MICALL2: variants seen among roughly 807,000 people sequenced by gnomAD.
The protein encoded by MICALL2 is MICAL-like protein 2.
In MICALL2, 111 loss-of-function variants were observed where a neutral mutation model predicts 91.1. The observed-to-expected ratio is 1.22, with a 90% CI of 1.04 to 1.43. The LOEUF (loss-of-function observed/expected upper bound fraction) is 1.43, where lower values mean the gene tolerates loss of function less well. MICALL2 is among the 40% of genes most tolerant of loss of function. The pLI is 0.00. For synonymous variants in MICALL2, 694 were observed against 525.3 expected, an observed-to-expected ratio of 1.32 and a Z score of -4.39; for missense variants, 1,556 against 1,236.0, an observed-to-expected ratio of 1.26 and a Z score of -3.88.
At chr7:1,448,834 C>T (rs576194505) in intron 2 of MICALL2, 73 bp from the exon 3 acceptor site, 19 of 1,568,398 alleles carry the variant, frequency 1.2e-5, no homozygotes, top group East Asian at 9.0e-5. Flanking sequence ...CAGCTCACCT[C>T]GACTCAAAGA....
At chr7:1,442,711 G>T (rs141615834) in intron 6 of MICALL2, among the ~76,000 whole-genome samples, 1 of 150,438 alleles carries the variant, frequency 6.6e-6, no homozygotes, top group Non-Finnish European at 1.5e-5. Flanking sequence ...CCTGCAGCTC[G>T]CTCCCAATGA....
rs1330185436 is a variant in MICALL2, at chr7:1,437,542, G to C, written c.2469C>G (p.Ala823=). The C allele has an allele frequency of 1.3e-6, 2 of 1,527,540 alleles. No individual in the cohort carries two copies. The highest frequency in any genetic ancestry group is 1.7e-6 in the Non-Finnish European group (2 of 1,143,598). The allele number at this position is 1,527,540 out of a possible 1,614,324, so 94.6% of individuals were successfully genotyped here. ...GGCGCGCGGGGGACGCACCGGGCTT[G>C]GCCATGAGCCGGCGCAGCTCGCCCT... ...DIEGELRRLM[A]KPEALKSLQE... The change falls in exon 14 of 17, where the codon GCC becomes GCG. Residue 823 remains alanine (A), a synonymous_variant. Coordinates refer to ENST00000297508, the MANE Select transcript of MICALL2 (RefSeq NM_182924.4).
In MICALL2 at chr7:1,440,627, T is replaced by G; in HGVS notation, c.1769A>C (p.Asn590Thr). 1 of 1,612,748 alleles carries G rather than the reference T, an allele frequency of 6.2e-7. No individual in the cohort carries two copies. The highest frequency in any genetic ancestry group is 8.5e-7 in the Non-Finnish European group (1 of 1,179,940). Reference protein sequence around the residue: ...QEDGPAGWRANLKPVDRRSPA... With the variant: ...QEDGPAGWRATLKPVDRRSPA... Reference sequence around the variant, plus strand: ...GCTTCTCCTGTCCACGGGCTTCAGATTCGCTCTCCATCCTGCCGGCCCGTC... The same window carrying G: ...GCTTCTCCTGTCCACGGGCTTCAGAGTCGCTCTCCATCCTGCCGGCCCGTC... The change falls in exon 8 of 17, where the codon AAT becomes ACT. Residue 590 changes from asparagine (N) to threonine (T), a missense_variant. By Grantham distance (65) the Asn-to-Thr change is moderately conservative. Coordinates refer to ENST00000297508, the MANE Select transcript of MICALL2 (RefSeq NM_182924.4).
intron 1 of MICALL2, among the ~76,000 whole-genome samples, chr7:1,454,113 T>C (rs1780930155): frequency 7.3e-6 from 1 of 137,518 alleles, no homozygotes; most frequent in Non-Finnish European, 1.6e-5. Context: ...TCCAAATTCC[T>C]GGGTGGCCGA....
intron 7 of MICALL2, 154 bp downstream of exon 7, chr7:1,442,038 A>G (rs1780304639): frequency 3.5e-6 from 3 of 862,254 alleles, no homozygotes; most frequent in East Asian, 2.4e-5. Context: ...GGACCCCAGG[A>G]GGCTGCGAGC....
Position 1,438,198 on chromosome 7 carries a change from G to C in MICALL2, c.2210C>G (p.Pro737Arg). ...CTGCAGCTGCCTCTGTATCTCCTCC[G>C]GGGAGAGGTAGTCGGGGTGCAGCTG... ...PVRLHPDYLS[P>R]EEIQRQLQDI... The change falls in exon 12 of 17, where the codon CCG becomes CGG. Residue 737 changes from proline to arginine, a missense_variant. By Grantham distance (103) the Pro-to-Arg change is moderately radical (BLOSUM62 -2). Coordinates refer to ENST00000297508, the MANE Select transcript of MICALL2 (RefSeq NM_182924.4). 1 of 1,582,446 alleles carries C rather than the reference G, an allele frequency of 6.3e-7. No individual in the cohort carries two copies. Among genetic ancestry groups the C allele is most frequent in the Non-Finnish European group, 8.6e-7 (1 of 1,164,278 alleles).
chr7:1,458,890 C>T (rs1781112034), intron 1 of MICALL2, among the ~76,000 whole-genome samples: 1 of 152,236 alleles, frequency 6.6e-6, no homozygotes. Flanking sequence ...CTCTGCTGGC[C>T]TTTCCCAGGG....
At chr7:1,446,959 C>G (rs1400108426) in intron 4 of MICALL2, 131 bp from the exon 5 acceptor site, 3 of 672,936 alleles carry the variant, frequency 4.5e-6, no homozygotes. Context: ...GCCAGCAGGG[C>G]TGCGGTCGGG....
chr7:1,459,418 G>C lies in MICALL2; in HGVS notation c.-92C>G. ...GCCCGGCCGGCGGGACAGACGCTGG[G>C]ACCGCTACGGAACCGCCAGACCCAC... On this transcript the variant is annotated 5_prime_UTR_variant, in exon 1 of 17. Transcript: ENST00000297508. 1.6e-6 allele frequency: 2 copies of C among 1,237,310 alleles called. No homozygotes were observed. The highest frequency in any genetic ancestry group is 1.1e-6 in the Non-Finnish European group (1 of 951,564). The allele number at this position is 1,237,310 out of a possible 1,614,324, so 76.6% of individuals were successfully genotyped here.
intron 2 of MICALL2, among the ~76,000 whole-genome samples, chr7:1,449,185 C>T (rs1357939577): frequency 1.3e-5 from 2 of 152,230 alleles, no homozygotes; most frequent in East Asian, 1.9e-4. Flanking sequence ...AGGTGAGGGC[C>T]GCTAGAGGCT....
intron 2 of MICALL2, among the ~76,000 whole-genome samples, chr7:1,449,240 C>T (rs375499088): frequency 3.5e-4 from 54 of 152,258 alleles, no homozygotes; most frequent in African/African-American, 1.2e-3. Flanking sequence ...CAGCAGCCGC[C>T]GGCCAGGCAT....
rs889562329 is a variant in MICALL2 at position 1,448,149 on chromosome 7, G to A, written c.335-384C>T. The A allele has an allele frequency of 1.7e-5, 4 of 237,334 alleles. No individual in the cohort carries two copies. In the South Asian group the frequency reaches 2.8e-4, roughly 17 times the overall value. 14.7% of individuals were successfully genotyped at this position (237,334 alleles called of 1,614,324 possible). ...GTCCCTCCCCTGCCCAGTTCTATCC[G>A]GGGGCCCCACCCTGCCAGGCCAGCC... On this transcript the variant is annotated intron_variant, in intron 3 of 16. Transcript: ENST00000297508.
Position 1,437,536 on chromosome 7 carries a change from G to A in MICALL2, c.2475C>T (p.Pro825=), listed in dbSNP as rs757394604. ...EGELRRLMAK[P]EALKSLQERR... ...TTGGCTGGCGCGCGGGGGACGCACC[G>A]GGCTTGGCCATGAGCCGGCGCAGCT... Residue 825 remains proline, a splice_region_variant and synonymous_variant, in exon 14 of 17, where the codon CCC becomes CCT. Transcript: ENST00000297508. 2.4e-5 allele frequency: 36 copies of A among 1,524,898 alleles called. No individual in the cohort carries two copies. Among genetic ancestry groups the A allele is most frequent in the Middle Eastern group, 4.3e-4 (2 of 4,674 alleles). 94.5% of individuals were successfully genotyped at this position (1,524,898 alleles called of 1,614,324 possible).
Position 1,438,689 on chromosome 7 carries a change from CCTGGGGCACGGGG to C in MICALL2, c.2122+138_2122+150del. 5 of 1,466,770 alleles carry C rather than the reference CCTGGGGCACGGGG, an allele frequency of 3.4e-6. No homozygotes were observed. The South Asian group carries it at 4.3e-5, about 12-fold the overall frequency. 90.9% of individuals were successfully genotyped at this position (1,466,770 alleles called of 1,614,324 possible). A position where few individuals can be genotyped will look rare whatever the true frequency, so the allele number is the denominator to read the frequency against. ...TAGGGTCTCTATTCATGAGGGCGGG[CCTGGGGCACGGGG>C]CTGGGTCCTTCCTCCAGGCTTTCCC... is the stretch of plus-strand genomic sequence containing the variant. On this transcript the variant is annotated intron_variant, in intron 10 of 16. Coordinates refer to ENST00000297508, the MANE Select transcript of MICALL2 (RefSeq NM_182924.4).
chr7:1,449,255 G>A (rs1039102378), intron 2 of MICALL2, among the ~76,000 whole-genome samples: 1 of 152,192 alleles, frequency 6.6e-6, no homozygotes, highest in Non-Finnish European at 1.5e-5. Flanking sequence ...AGGCATGGCT[G>A]TGAGCATGGG....
chr7:1,443,522 G>A (rs1335773728), intron 6 of MICALL2, among the ~76,000 whole-genome samples: 2 of 152,230 alleles, frequency 1.3e-5, no homozygotes, highest in East Asian at 1.9e-4. Flanking sequence ...AGCTCAGAGT[G>A]TGACCTTATC....
Position 1,438,314 on chromosome 7 carries a change from C to T in MICALL2, c.2162G>A (p.Gly721Asp), listed in dbSNP as rs1392551952. 1.2e-6 allele frequency: 2 copies of T among 1,603,748 alleles called. No individual in the cohort carries two copies. Among genetic ancestry groups the T allele is most frequent in the African/African-American group, 2.7e-5 (2 of 74,736 alleles). Residue 721 changes from glycine (G) to aspartate (D), a missense_variant, in exon 11 of 17, where the codon GGC (glycine) becomes GAC (aspartate). Coordinates refer to ENST00000297508, the MANE Select transcript of MICALL2 (RefSeq NM_182924.4). Reference protein sequence around the residue: ...LSPANVPALPGETVTSPVRLH... With the variant: ...LSPANVPALPDETVTSPVRLH... ...CCTGACTGGGGAGGTCACCGTCTCGCCAGGCAGAGCAGGGACATTGGCCGG... is the reference window on the plus strand; with the variant it reads ...CCTGACTGGGGAGGTCACCGTCTCGTCAGGCAGAGCAGGGACATTGGCCGG...
At chr7:1,434,795 G>C in intron 16 of MICALL2, 123 bp from the exon 17 acceptor site, 1 of 1,044,062 alleles carries the variant, frequency 9.6e-7, no homozygotes, top group Non-Finnish European at 1.4e-6. Context: ...CTGGGCCTCC[G>C]AGCCTGCAGG....
At position 1,440,671 on chromosome 7, in the gene MICALL2, G is replaced by A; in HGVS notation, c.1725C>T (p.Ser575=). ...GCCCGTCCTCCTGGCCTTCCTGGAG[G>A]CTGGTGCTCATGTCTGGGTGGGAGG... ...STTLTQDMST[S]LQEGQEDGPA... The change falls in exon 8 of 17, where the codon AGC becomes AGT. Residue 575 remains serine (S), a synonymous_variant. Coordinates refer to ENST00000297508, the MANE Select transcript of MICALL2 (RefSeq NM_182924.4). 3 of 1,611,996 alleles carry A rather than the reference G, an allele frequency of 1.9e-6. No individual in the cohort carries two copies. Among genetic ancestry groups the A allele is most frequent in the Non-Finnish European group, 2.5e-6 (3 of 1,179,878 alleles).
Sources: gnomAD v4.1 joint callset for allele counts (sites outside exome capture counted in the v4.1 genomes callset) on GRCh38, gnomAD v4.1.1 for gene constraint, MANE v1.5 for transcripts, NCBI Gene and HGNC (gene_info 2026-07-23, HGNC 2026-07-21) for gene names.